Variants in SPATA6L observed in about 807,000 individuals in gnomAD.
SPATA6L encodes the protein spermatogenesis associated 6 like, also known as spermatogenesis associated 6-like protein.
A neutral mutation model predicts 49.2 loss-of-function variants in SPATA6L; 68 were observed. The ratio of observed to expected loss-of-function variants is 1.38; its 90% CI spans 1.14 to 1.69. The LOEUF (loss-of-function observed/expected upper bound fraction) is 1.69. SPATA6L is among the 40% of genes most tolerant of loss of function. The probability of loss-of-function intolerance (pLI) is 0.00; values close to 1 mark genes in which losing one functional copy is unlikely to be tolerated. For synonymous variants in SPATA6L, 198 were observed against 165.7 expected, an observed-to-expected ratio of 1.19 and a Z score of -1.50; for missense variants, 668 against 464.3, an observed-to-expected ratio of 1.44 and a Z score of -4.03.
At chr9:4,613,119 C>T (rs1246743605) in intron 9 of SPATA6L, among the ~76,000 whole-genome samples, 2 of 151,482 alleles carry the variant, frequency 1.3e-5, no homozygotes, top group African/African-American at 2.4e-5. Flanking sequence ...GTCCCAGATA[C>T]CAGGAGGCTG....
chr9:4,641,148 G>C (rs1833948833), intron 3 of SPATA6L, among the ~76,000 whole-genome samples: 1 of 151,708 alleles, frequency 6.6e-6, no homozygotes, highest in Non-Finnish European at 1.5e-5. Flanking sequence ...TGTCTTTCAA[G>C]AGACCAGAAA....
intron 3 of SPATA6L, among the ~76,000 whole-genome samples, chr9:4,641,872 A>T (rs1279490329): frequency 6.6e-6 from 1 of 152,236 alleles, no homozygotes; most frequent in Non-Finnish European, 1.5e-5. Flanking sequence ...TCTTTGGCTC[A>T]GGTGACCTCC....
intron 3 of SPATA6L, among the ~76,000 whole-genome samples, chr9:4,642,073 C>G (rs546642906): frequency 1.3e-5 from 2 of 152,308 alleles, no homozygotes; most frequent in South Asian, 4.1e-4. Context: ...TGGCCCACAT[C>G]AAATTGTTAA....
At chr9:4,630,632 A>G (rs1831323990) in intron 4 of SPATA6L, among the ~76,000 whole-genome samples, 1 of 152,182 alleles carries the variant, frequency 6.6e-6, no homozygotes. Flanking sequence ...CTCTCCCTCC[A>G]GTCTCTAATA....
intron 5 of SPATA6L, chr9:4,626,331 T>C (rs1830341441): frequency 2.4e-6 from 3 of 1,233,490 alleles, no homozygotes; most frequent in Non-Finnish European, 3.1e-6. Flanking sequence ...GATTTGAGTC[T>C]AGACCCACAG....
chr9:4,656,767 C>T (rs73395731), intron 2 of SPATA6L, among the ~76,000 whole-genome samples: 10,873 of 152,196 alleles, frequency 0.071, 897 homozygotes, highest in African/African-American at 0.19. Flanking sequence ...TAAATCAACC[C>T]CAGAGTGTTG....
chr9:4,604,755 C>T (rs1014904968), intron 10 of SPATA6L, among the ~76,000 whole-genome samples: 1 of 152,150 alleles, frequency 6.6e-6, no homozygotes, highest in Non-Finnish European at 1.5e-5. Context: ...TCATTAAATT[C>T]AGCCACTGGG....
intron 3 of SPATA6L, among the ~76,000 whole-genome samples, chr9:4,653,058 T>C (rs73395703): frequency 0.034 from 5,216 of 152,208 alleles, 281 homozygotes; most frequent in African/African-American, 0.12. Context: ...ACCAAAATAG[T>C]AGTCTTGAAA....
At chr9:4,633,737 G>A (rs1832158263) in intron 4 of SPATA6L, 1 of 152,394 alleles carries the variant, frequency 6.6e-6, no homozygotes, top group South Asian at 2.1e-4. Flanking sequence ...GGCCCTCTCT[G>A]TGAGCTTCTA....
chr9:4,627,902 T>C (rs1022821471), intron 5 of SPATA6L: 3 of 883,988 alleles, frequency 3.4e-6, no homozygotes, highest in South Asian at 1.4e-5. Flanking sequence ...TTATATTACA[T>C]ACACATAATG....
At chr9:4,664,519 A>G (rs556198550) in intron 1 of SPATA6L, 2 of 167,172 alleles carry the variant, frequency 1.2e-5, no homozygotes, top group South Asian at 4.1e-4. Context: ...TGCCTCCCCA[A>G]ATCATAAGAC....
intron 4 of SPATA6L, among the ~76,000 whole-genome samples, chr9:4,631,899 C>T (rs544004118): frequency 6.6e-6 from 1 of 152,258 alleles, no homozygotes; most frequent in South Asian, 2.1e-4. Context: ...CTCTTTACAC[C>T]ACCTTCCCTC....
At chr9:4,634,529 G>A (rs1564234629) in intron 4 of SPATA6L, among the ~76,000 whole-genome samples, 1 of 152,132 alleles carries the variant, frequency 6.6e-6, no homozygotes. Context: ...ATTCTGCACA[G>A]TACTCTCAAC....
intron 9 of SPATA6L, among the ~76,000 whole-genome samples, chr9:4,615,863 A>T (rs1253275859): frequency 6.6e-6 from 1 of 152,202 alleles, no homozygotes; most frequent in African/African-American, 2.4e-5. Flanking sequence ...TGTTATAGAT[A>T]CCAGGCACAG....
intron 3 of SPATA6L, among the ~76,000 whole-genome samples, chr9:4,647,978 G>A (rs1453745950): frequency 6.6e-6 from 1 of 151,992 alleles, no homozygotes; most frequent in Non-Finnish European, 1.5e-5. Flanking sequence ...GGGACTACAG[G>A]CACGTACCAC....
chr9:4,662,385 C>T lies in SPATA6L; in HGVS notation c.40-349G>A, dbSNP rs780790260. 3 of 1,527,458 alleles carry T rather than the reference C, an allele frequency of 2.0e-6. No homozygotes were observed. Among genetic ancestry groups the T allele is most frequent in the African/African-American group, 1.4e-5 (1 of 72,684 alleles). 94.6% of individuals were successfully genotyped at this position (1,527,458 alleles called of 1,614,324 possible). On this transcript the variant is annotated intron_variant, in intron 1 of 11. Coordinates refer to ENST00000682582, the MANE Select transcript of SPATA6L (RefSeq NM_001353486.2). The surrounding 1 kb of genome is among the most constrained non-coding windows in gnomAD (Gnocchi z 4.9). ...CGGGCCGCCAGCTGCGATGCCAAGT[C>T]CCCGGAGGAGCATGGAGGGACGGCC...
chr9:4,606,084 A>T (rs143695013), intron 9 of SPATA6L, among the ~76,000 whole-genome samples: 15 of 152,068 alleles, frequency 9.9e-5, no homozygotes, highest in African/African-American at 2.7e-4. Context: ...ACTCCCACCC[A>T]AATACTGCGC....
chr9:4,626,266 C>G, intron 5 of SPATA6L: 1 of 647,590 alleles, frequency 1.5e-6, no homozygotes, highest in Non-Finnish European at 2.1e-6. Context: ...CCAGGACTAG[C>G]CCCATTGCAC....
In SPATA6L at chr9:4,662,484, AG is replaced by A. The variant is rs1348629058; in HGVS notation, c.40-449del. On this transcript the variant is annotated intron_variant, in intron 1 of 11. Transcript: ENST00000682582. This position sits in a 1 kb window ranked among gnomAD's most constrained non-coding sequence, Gnocchi z 4.9. ...CCATGGCGGCGGTGGCGGCGGCAGC[AG>A]GTTTGAGTTCCAGTCCCTGCTCAGC... The A allele has an allele frequency of 6.4e-7, 1 of 1,555,394 alleles. No individual in the cohort carries two copies. Among genetic ancestry groups the A allele is most frequent in the East Asian group, 2.4e-5 (1 of 42,176 alleles).
Sources: gnomAD v4.1 joint callset for allele counts (sites outside exome capture counted in the v4.1 genomes callset) on GRCh38, gnomAD v4.1.1 for gene constraint, Gnocchi (gnomAD v3.1) non-coding constraint, MANE v1.5 for transcripts, NCBI Gene and HGNC (gene_info 2026-07-23, HGNC 2026-07-21) for gene names.